The following KIFAP3 variants were observed in gnomAD, a reference collection of about 807,000 sequenced individuals.
KIFAP3 encodes kinesin associated protein 3, also known as kinesin-associated protein 3.
A neutral mutation model predicts 106.5 loss-of-function variants in KIFAP3; 68 were observed. The observed-to-expected ratio is 0.64, with a 90% CI of 0.53 to 0.78. The LOEUF is 0.78. Ranked by LOEUF, KIFAP3 falls within the 30% of genes least tolerant of loss-of-function variation. The pLI, the probability that KIFAP3 is intolerant of heterozygous loss-of-function variation, is 0.00. For missense variants in KIFAP3, 780 were observed against 941.8 expected (o/e 0.83, Z 2.25); for synonymous variants, 320 against 311.5 (o/e 1.03, Z -0.29).
At chr1:169,964,873 C>T (rs1665523756) in intron 17 of KIFAP3, among the ~76,000 whole-genome samples, 1 of 152,012 alleles carries the variant, frequency 6.6e-6, no homozygotes, top group Non-Finnish European at 1.5e-5. Context: ...TTTTTGTTGC[C>T]ATATGTGTGT....
intron 3 of KIFAP3, among the ~76,000 whole-genome samples, 195 bp downstream of exon 3, chr1:170,046,517 G>C (rs1670265405): frequency 6.6e-6 from 1 of 152,110 alleles, no homozygotes; most frequent in Non-Finnish European, 1.5e-5. Context: ...TTATGTGGAA[G>C]CATCTAATAT....
intron 9 of KIFAP3, among the ~76,000 whole-genome samples, chr1:170,019,810 A>G (rs1361304402): frequency 2.0e-5 from 3 of 152,200 alleles, no homozygotes; most frequent in African/African-American, 4.8e-5. Context: ...TTCCTCCTCA[A>G]CATCATACTA....
intron 11 of KIFAP3, chr1:169,989,997 C>T (rs1443624696): frequency 9.8e-5 from 147 of 1,498,448 alleles, no homozygotes; most frequent in South Asian, 4.5e-4. Flanking sequence ...TTCATAAGTA[C>T]GATTTGTTCA....
chr1:170,047,414 G>C (rs1670313675), intron 2 of KIFAP3, among the ~76,000 whole-genome samples: 1 of 151,878 alleles, frequency 6.6e-6, no homozygotes, highest in Admixed American at 6.6e-5. Context: ...GAGGTCAGGA[G>C]TTTGAGACCA....
At chr1:170,004,529 A>C (rs1490527313) in intron 10 of KIFAP3, among the ~76,000 whole-genome samples, 2 of 151,878 alleles carry the variant, frequency 1.3e-5, no homozygotes, top group Non-Finnish European at 2.9e-5. Flanking sequence ...ATGGAACAGA[A>C]CAGAGCTCTC....
intron 17 of KIFAP3, among the ~76,000 whole-genome samples, chr1:169,971,214 C>G (rs182717195): frequency 2.0e-5 from 3 of 151,948 alleles, no homozygotes; most frequent in Admixed American, 6.6e-5. Context: ...TAATGCATAA[C>G]AGACTGACAA....
chr1:169,992,269 A>G lies in KIFAP3; in HGVS notation c.1184-14T>C. On this transcript the variant is annotated splice_polypyrimidine_tract_variant and intron_variant, in intron 10 of 19. Coordinates refer to ENST00000361580, the MANE Select transcript of KIFAP3 (RefSeq NM_014970.4). ...AGTTGTCATTGCCTAGGAATAAAACATCATGGTGATGATGCTATAAATATA... is the reference window on the plus strand; with the variant it reads ...AGTTGTCATTGCCTAGGAATAAAACGTCATGGTGATGATGCTATAAATATA... The G allele has an allele frequency of 7.2e-7, 1 of 1,395,008 alleles. No individual in the cohort carries two copies. 86.4% of individuals were successfully genotyped at this position (1,395,008 alleles called of 1,614,324 possible).
chr1:170,041,749 G>C (rs1225297960), intron 3 of KIFAP3: 7 of 1,534,236 alleles, frequency 4.6e-6, no homozygotes, highest in African/African-American at 2.7e-5. Context: ...GTGTTGCCAA[G>C]GGCAATCGAC....
chr1:170,001,830 A>G (rs1667684227), intron 10 of KIFAP3, among the ~76,000 whole-genome samples: 1 of 152,198 alleles, frequency 6.6e-6, no homozygotes, highest in Non-Finnish European at 1.5e-5. Context: ...ATTTCCAAAC[A>G]GTTTTTAATA....
chr1:170,076,660 G>T (rs983786548), upstream of KIFAP3, among the ~76,000 whole-genome samples: 17 of 152,158 alleles, frequency 1.1e-4, no homozygotes, highest in African/African-American at 4.1e-4. Flanking sequence ...AAATAAACCA[G>T]ATTTCACCTC....
intron 7 of KIFAP3, among the ~76,000 whole-genome samples, chr1:170,032,384 A>G (rs905853431): frequency 6.6e-6 from 1 of 151,838 alleles, no homozygotes; most frequent in African/African-American, 2.4e-5. Context: ...TTAGTTACTA[A>G]GAACACTGGA....
intron 2 of KIFAP3, among the ~76,000 whole-genome samples, chr1:170,049,291 G>A (rs1296169352): frequency 6.6e-6 from 1 of 152,196 alleles, no homozygotes; most frequent in East Asian, 1.9e-4. Context: ...TCACTGGGCA[G>A]GGCATCTAAG....
intron 17 of KIFAP3, among the ~76,000 whole-genome samples, chr1:169,968,037 T>C (rs149274978): frequency 2.0e-5 from 3 of 152,052 alleles, no homozygotes; most frequent in Non-Finnish European, 2.9e-5. Context: ...ATTTTTGAAA[T>C]ACTTCTTTTC....
chr1:170,010,408 T>C (rs1238826275), intron 10 of KIFAP3, among the ~76,000 whole-genome samples: 1 of 151,952 alleles, frequency 6.6e-6, no homozygotes, highest in Non-Finnish European at 1.5e-5. Context: ...AATTCTTAAA[T>C]GAAATGCTTT....
intron 18 of KIFAP3, among the ~76,000 whole-genome samples, chr1:169,960,100 TATTA>T (rs972385043): frequency 6.6e-6 from 1 of 152,148 alleles, no homozygotes; most frequent in African/African-American, 2.4e-5. Context: ...TGAGTGGTAT[TATTA>T]ATGTGAGTAC....
intron 10 of KIFAP3, among the ~76,000 whole-genome samples, chr1:170,000,283 A>G (rs1184308778): frequency 6.6e-6 from 1 of 152,120 alleles, no homozygotes; most frequent in Non-Finnish European, 1.5e-5. Flanking sequence ...TCTATACTCT[A>G]TGTCTTCTTC....
At chr1:170,020,442 T>C (rs1255577453) in intron 9 of KIFAP3, among the ~76,000 whole-genome samples, 3 of 151,940 alleles carry the variant, frequency 2.0e-5, no homozygotes, top group Admixed American at 6.6e-5. Flanking sequence ...GAGGCAAACA[T>C]ATATGGCCAA....
chr1:169,922,322 C>A (rs963640643), intron 19 of KIFAP3, among the ~76,000 whole-genome samples: 1 of 152,128 alleles, frequency 6.6e-6, no homozygotes, highest in African/African-American at 2.4e-5. Context: ...AGGAATTTGA[C>A]AAAATTTGAA....
chr1:169,995,925 G>A (rs1667348614), intron 10 of KIFAP3, among the ~76,000 whole-genome samples: 1 of 152,084 alleles, frequency 6.6e-6, no homozygotes, highest in Non-Finnish European at 1.5e-5. Context: ...GCTTGTGTGT[G>A]TGTGTGTAGC....
Sources: allele counts gnomAD v4.1 joint callset (sites outside exome capture counted in the v4.1 genomes callset), GRCh38; gene constraint gnomAD v4.1.1; transcripts MANE v1.5; gene names NCBI Gene and HGNC (gene_info 2026-07-23, HGNC 2026-07-21).